HSPG2: variants seen among roughly 807,000 people sequenced by gnomAD.
HSPG2 encodes the protein heparan sulfate proteoglycan 2.
Under a neutral mutation model 526.6 loss-of-function variants are expected in HSPG2, and 278 were observed. The observed-to-expected ratio is 0.53, with a 90% CI of 0.48 to 0.58. HSPG2 has a LOEUF of 0.58. Among genes scored for constraint, HSPG2 ranks in the 20% least tolerant of loss-of-function variants. The pLI is 0.00. For missense variants in HSPG2, 5,354 were observed against 6,099.5 expected (o/e 0.88, Z 4.07); for synonymous variants, 2,465 against 2,555.4 (o/e 0.96, Z 1.07).
At chr1:21,823,546 G>A (rs946835219) in intron 96 of HSPG2, 58 bp from the exon 97 acceptor site, 50 of 1,609,198 alleles carry the variant, frequency 3.1e-5, no homozygotes, top group Non-Finnish European at 3.1e-5. Context: ...AGGCGAGGAA[G>A]GCTGGGCGAG....
chr1:21,910,183 A>G (rs773996571), intron 1 of HSPG2, among the ~76,000 whole-genome samples: 30 of 152,192 alleles, frequency 2.0e-4, no homozygotes, highest in Non-Finnish European at 3.1e-4. Flanking sequence ...GACCAACACA[A>G]TGGGGGCTAT....
rs915404247 is a variant in HSPG2, at chr1:21,848,347, C to T, written c.7738-254G>A. On this transcript the variant is annotated intron_variant, in intron 59 of 96. Transcript: ENST00000374695. This position sits in a 1 kb window ranked among gnomAD's most constrained non-coding sequence, Gnocchi z 4.9. ...CAGTATCCTGCTGGGGCTCCCACAG[C>T]CTGCGAGCTGCCTGAGAGCAGGCAA... Among the ~76,000 whole-genome samples the T allele has an allele frequency of 3.3e-5, 5 of 152,168 alleles. No individual in the cohort carries two copies. The highest frequency in any genetic ancestry group is 2.0e-4 in the Admixed American group (3 of 15,278).
intron 77 of HSPG2, among the ~76,000 whole-genome samples, chr1:21,834,235 T>C (rs916489624): frequency 3.3e-5 from 5 of 152,184 alleles, no homozygotes; most frequent in African/African-American, 9.7e-5. Flanking sequence ...GTAAGGAAGT[T>C]TGGAGGCAAG....
In HSPG2 at chr1:21,860,167, TC is replaced by T. The variant is rs2152730247; in HGVS notation, c.5014+9del. On this transcript the variant is annotated intron_variant, in intron 40 of 96. Coordinates refer to ENST00000374695, the MANE Select transcript of HSPG2 (RefSeq NM_005529.7). ...CCATCGTCCCCATCCTGGGCCATGG[TC>T]CCACTTACTCTCTGGCAGGCACTGG... 1 of 1,613,642 alleles carries T rather than the reference TC, an allele frequency of 6.2e-7. No individual in the cohort carries two copies. Among genetic ancestry groups the T allele is most frequent in the South Asian group, 1.1e-5 (1 of 91,062 alleles).
At position 21,865,289 on chromosome 1, in the gene HSPG2, C is replaced by G; in HGVS notation, c.4391G>C (p.Arg1464Pro). Reference protein sequence around the residue: ...PERRSYEIMFREEFWRRPDGQ... With the variant: ...PERRSYEIMFPEEFWRRPDGQ... ...GCATGGCCAGGTGCCCCTTACCTCT[C>G]GGAACATGATCTCGTAGCTCCTCCT... is the stretch of plus-strand genomic sequence containing the variant. The change falls in exon 35 of 97, where the codon CGA becomes CCA. Residue 1464 changes from arginine to proline, a missense_variant. Arg to Pro is a moderately radical substitution (Grantham distance 103). Coordinates refer to ENST00000374695, the MANE Select transcript of HSPG2 (RefSeq NM_005529.7). This position sits in a 1 kb window ranked among gnomAD's most constrained non-coding sequence, Gnocchi z 5.4. The G allele has an allele frequency of 6.2e-7, 1 of 1,613,996 alleles. No individual in the cohort carries two copies. Among genetic ancestry groups the G allele is most frequent in the Non-Finnish European group, 8.5e-7 (1 of 1,179,948 alleles).
In HSPG2 at chr1:21,884,910, A is replaced by G; in HGVS notation, c.1364T>C (p.Val455Ala). ...TGTGCCACGGCCACCCTCGCTGGTC[A>G]CTGTCACCCTGGTGAGCCCCAAGAC... ...GHIPSHPRVT[V>A]TSEGGRGTLI... Residue 455 changes from valine to alanine, a missense_variant, in exon 12 of 97, where the codon GTG becomes GCG. By Grantham distance (64) the Val-to-Ala change is moderately conservative. Transcript: ENST00000374695. The G allele has an allele frequency of 6.2e-7, 1 of 1,613,996 alleles. No individual in the cohort carries two copies. Among genetic ancestry groups the G allele is most frequent in the African/African-American group, 1.3e-5 (1 of 75,040 alleles).
In HSPG2 at chr1:21,909,810, C is replaced by T. The variant is rs186546518; in HGVS notation, c.64-13500G>A. Among the ~76,000 whole-genome samples, 15 of 152,300 alleles carry T rather than the reference C, an allele frequency of 9.8e-5. No individual in the cohort carries two copies. The East Asian group carries it at 2.9e-3, about 29-fold the overall frequency. ...AGAGCAGGAGAGGGTGCCAAGAGGCCCTGGCAAGGGCCTGGGCTAGGCCCA... is the reference window on the plus strand; with the variant it reads ...AGAGCAGGAGAGGGTGCCAAGAGGCTCTGGCAAGGGCCTGGGCTAGGCCCA... On this transcript the variant is annotated intron_variant, in intron 1 of 96. Coordinates refer to ENST00000374695, the MANE Select transcript of HSPG2 (RefSeq NM_005529.7).
Position 21,878,232 on chromosome 1 carries a change from T to G in HSPG2, c.2639A>C (p.Asp880Ala). 3 of 1,613,972 alleles carry G rather than the reference T, an allele frequency of 1.9e-6. No homozygotes were observed. The highest frequency in any genetic ancestry group is 2.5e-6 in the Non-Finnish European group (3 of 1,180,006). ...RPVNQEIVRCDERGSMGTSGE... is the reference protein window; with the variant it reads ...RPVNQEIVRCAERGSMGTSGE... ...GGAGGTCCCCATGCTGCCACGCTCG[T>G]CACAGCGCACAATCTCCTGGTCTGG... Residue 880 changes from aspartate (D) to alanine (A), a missense_variant, in exon 21 of 97, where the codon GAC becomes GCC. By Grantham distance (126) the Asp-to-Ala change is moderately radical (BLOSUM62 -2). Coordinates refer to ENST00000374695, the MANE Select transcript of HSPG2 (RefSeq NM_005529.7).
chr1:21,878,204 C>G lies in HSPG2; in HGVS notation c.2667G>C (p.Gly889=). The G allele has an allele frequency of 1.2e-6, 2 of 1,613,636 alleles. No homozygotes were observed. The highest frequency in any genetic ancestry group is 1.7e-6 in the Non-Finnish European group (2 of 1,179,970). The part of the protein sequence containing the change: ...CDERGSMGTS[G]EACRCKNNVV... ...CGCGTACCTTACAGCGGCAGGCCTC[C>G]CCGGAGGTCCCCATGCTGCCACGCT... Residue 889 remains glycine, a synonymous_variant, in exon 21 of 97, where the codon GGG becomes GGC. Transcript: ENST00000374695.
chr1:21,853,754 AATAAAAT>A (rs1322937653), intron 50 of HSPG2: 4 of 108,140 alleles, frequency 3.7e-5, no homozygotes, highest in South Asian at 2.7e-4. Context: ...CTCTCAAAAA[AATAAAAT>A]AAAATAAAAT....
chr1:21,850,142 C>A lies in HSPG2; in HGVS notation c.7345G>T (p.Ala2449Ser), dbSNP rs1287800241. ...VRIESSSSQVAEGQTLDLNCL... is the reference protein window; with the variant it reads ...VRIESSSSQVSEGQTLDLNCL... ...TTCAGGTCCAGGGTCTGCCCCTCGG[C>A]CACTTGCGAAGACGATGACTCGATC... The change falls in exon 57 of 97, where the codon GCC becomes TCC. Residue 2449 changes from alanine to serine, a missense_variant. Coordinates refer to ENST00000374695, the MANE Select transcript of HSPG2 (RefSeq NM_005529.7). The A allele has an allele frequency of 6.2e-7, 1 of 1,613,286 alleles. No homozygotes were observed. The highest frequency in any genetic ancestry group is 1.3e-5 in the African/African-American group (1 of 74,950).
At position 21,898,874 on chromosome 1, in the gene HSPG2, C is replaced by A. The variant is rs1557808719; in HGVS notation, c.64-2564G>T. Among the ~76,000 whole-genome samples the A allele has an allele frequency of 6.6e-6, 1 of 152,364 alleles. No individual in the cohort carries two copies. The highest frequency in any genetic ancestry group is 1.5e-5 in the Non-Finnish European group (1 of 68,034). ...AGACACTGCCGTCTGGAAAGGAAAACCTAGCGGTGAATGATGAGCAAGGTC... is the reference window on the plus strand; with the variant it reads ...AGACACTGCCGTCTGGAAAGGAAAAACTAGCGGTGAATGATGAGCAAGGTC... On this transcript the variant is annotated intron_variant, in intron 1 of 96. Coordinates refer to ENST00000374695, the MANE Select transcript of HSPG2 (RefSeq NM_005529.7). The surrounding 1 kb of genome is among the most constrained non-coding windows in gnomAD (Gnocchi z 4.0).
intron 65 of HSPG2, 98 bp from the exon 66 acceptor site, chr1:21,843,536 G>T: frequency 1.5e-6 from 2 of 1,329,290 alleles, no homozygotes; most frequent in South Asian, 1.4e-5. Context: ...GCACAGATAT[G>T]TAGGCGCATC....
In HSPG2 at chr1:21,885,158, C is replaced by G. The variant is rs1455823789; in HGVS notation, c.1211-1G>C. 6.2e-7 allele frequency: 1 copy of G among 1,607,416 alleles called. No homozygotes were observed. The highest frequency in any genetic ancestry group is 8.5e-7 in the Non-Finnish European group (1 of 1,176,604). On this transcript the variant is annotated splice_acceptor_variant, in intron 10 of 96. Coordinates refer to ENST00000374695, the MANE Select transcript of HSPG2 (RefSeq NM_005529.7). LOFTEE classifies it high-confidence loss of function. ...GGAGGTGTCACCACCTGGGGGGGCA[C>G]TGAGGAGACCAGGGCAGGAGTGAGG...
chr1:21,907,953 C>T (rs750729851), intron 1 of HSPG2: 12 of 516,512 alleles, frequency 2.3e-5, no homozygotes, highest in Non-Finnish European at 3.9e-5. Context: ...CACGATCATT[C>T]ATAGTAATAA....
In HSPG2 at chr1:21,890,260, G is replaced by A. The variant is rs2152765940; in HGVS notation, c.414-119C>T. The A allele has an allele frequency of 7.3e-7, 1 of 1,374,986 alleles. No homozygotes were observed. The highest frequency in any genetic ancestry group is 1.0e-6 in the Non-Finnish European group (1 of 969,824). The allele number at this position is 1,374,986 out of a possible 1,614,324, so 85.2% of individuals were successfully genotyped here. On this transcript the variant is annotated intron_variant, in intron 5 of 96. Coordinates refer to ENST00000374695, the MANE Select transcript of HSPG2 (RefSeq NM_005529.7). The surrounding 1 kb of genome is among the most constrained non-coding windows in gnomAD (Gnocchi z 4.1). ...TCCGGGACAGCCTGTACCCAAAGAA[G>A]GGCAACTAAAGGTCCCAATGATCCC...
intron 33 of HSPG2, among the ~76,000 whole-genome samples, chr1:21,871,261 T>TG (rs1045479475): frequency 1.4e-5 from 2 of 143,950 alleles, no homozygotes; most frequent in Non-Finnish European, 3.0e-5. Context: ...AGTATTTGTT[T>TG]TTTTTTTTTT....
rs748948250 is a variant in HSPG2, at chr1:21,834,926, G to A, written c.10473C>T (p.Ile3491=). ...LVIQALPSVL[I]NIRTSVQTVV... is the part of the protein sequence containing the mutation. ...CGGTCTGCACAGAGGTCCGGATGTT[G>A]ATGAGCACCGAGGGCAGGGCTGGGG... The change falls in exon 77 of 97, where the codon ATC becomes ATT. Residue 3491 remains isoleucine (I), a synonymous_variant. Transcript: ENST00000374695. 5.0e-6 allele frequency: 8 copies of A among 1,612,956 alleles called. No homozygotes were observed. The highest frequency in any genetic ancestry group is 5.9e-6 in the Non-Finnish European group (7 of 1,179,998).
At chr1:21,846,386 G>C in intron 63 of HSPG2, 62 bp downstream of exon 63, 2 of 1,611,480 alleles carry the variant, frequency 1.2e-6, no homozygotes, top group African/African-American at 2.7e-5. Context: ...CTCCCTCTTG[G>C]CAAAGCTAGC....
Sources: allele counts gnomAD v4.1 joint callset (sites outside exome capture counted in the v4.1 genomes callset), GRCh38; gene constraint gnomAD v4.1.1; non-coding constraint Gnocchi (gnomAD v3.1); transcripts MANE v1.5; gene names NCBI Gene and HGNC (gene_info 2026-07-23, HGNC 2026-07-21).